Variants in SDC2 observed in about 807,000 individuals in gnomAD.
SDC2 encodes the protein syndecan 2.
Under a neutral mutation model 22.2 loss-of-function variants are expected in SDC2, and 13 were observed. That is an observed-to-expected ratio of 0.59 (90% CI 0.38 to 0.93). The LOEUF is 0.93. SDC2 is among the 40% of genes least tolerant of loss of function. SDC2 has a pLI of 0.00. For missense variants in SDC2, 235 were observed against 246.8 expected (o/e 0.95, Z 0.32); for synonymous variants, 94 against 92.8 (o/e 1.01, Z -0.07).
chr8:96,601,811 A>G (rs1021476689), intron 2 of SDC2, among the ~76,000 whole-genome samples: 1 of 151,636 alleles, frequency 6.6e-6, no homozygotes, highest in African/African-American at 2.4e-5. Flanking sequence ...CCAGGCTGGA[A>G]TGCAATGGTG....
chr8:96,589,618 C>T (rs1420536789), intron 1 of SDC2, among the ~76,000 whole-genome samples: 1 of 152,188 alleles, frequency 6.6e-6, no homozygotes, highest in Non-Finnish European at 1.5e-5. Context: ...ACCATGTTGG[C>T]CAGGCTGGTC....
At position 96,551,947 on chromosome 8, in the gene SDC2, A is replaced by G. The variant is rs149744992; in HGVS notation, c.61-41533A>G. 2.9e-3 allele frequency among the ~76,000 whole-genome samples: 443 copies of G among 152,290 alleles called. 4 individuals carry two copies. The highest frequency in any genetic ancestry group is 0.01 in the African/African-American group (424 of 41,566). ...GCCTGTTTACTGCTGGGGGCAGGGTATGTATCCCCATGAGTCAGGGGCTTG... is the reference window on the plus strand; with the variant it reads ...GCCTGTTTACTGCTGGGGGCAGGGTGTGTATCCCCATGAGTCAGGGGCTTG... On this transcript the variant is annotated intron_variant, in intron 1 of 4. Coordinates refer to ENST00000302190, the MANE Select transcript of SDC2 (RefSeq NM_002998.4).
intron 1 of SDC2, among the ~76,000 whole-genome samples, chr8:96,558,405 A>G (rs1814154933): frequency 6.8e-6 from 1 of 147,206 alleles, no homozygotes; most frequent in Admixed American, 6.7e-5. Context: ...GGTGGTCTTC[A>G]GTTACAGCCT....
intron 1 of SDC2, among the ~76,000 whole-genome samples, chr8:96,569,180 A>T (rs1206298235): frequency 6.6e-6 from 1 of 152,086 alleles, no homozygotes; most frequent in African/African-American, 2.4e-5. Flanking sequence ...GATAATTTTT[A>T]AAATGTTTTG....
intron 1 of SDC2, among the ~76,000 whole-genome samples, chr8:96,569,690 A>G (rs1814358731): frequency 6.6e-6 from 1 of 152,140 alleles, no homozygotes; most frequent in Non-Finnish European, 1.5e-5. Context: ...ATATTAACTC[A>G]TTTAATTTTT....
chr8:96,521,944 A>G (rs1813503858), intron 1 of SDC2, among the ~76,000 whole-genome samples: 1 of 152,216 alleles, frequency 6.6e-6, no homozygotes, highest in South Asian at 2.1e-4. Context: ...CTAAAATTCC[A>G]AGTACATTTG....
chr8:96,499,484 C>T (rs1355485602), intron 1 of SDC2, among the ~76,000 whole-genome samples: 6 of 152,200 alleles, frequency 3.9e-5, no homozygotes, highest in African/African-American at 1.2e-4. Flanking sequence ...TATGTTACTA[C>T]TAGAGTTTTC....
chr8:96,511,830 AC>A (rs1379051926), intron 1 of SDC2, among the ~76,000 whole-genome samples: 1 of 151,120 alleles, frequency 6.6e-6, no homozygotes, highest in Non-Finnish European at 1.5e-5. Context: ...GGCTTACGTA[AC>A]TCTCAGCTCA....
At chr8:96,495,679 C>G (rs1563636839) in intron 1 of SDC2, among the ~76,000 whole-genome samples, 2 of 152,180 alleles carry the variant, frequency 1.3e-5, no homozygotes, top group African/African-American at 4.8e-5. Context: ...CCCTCCCCCC[C>G]TTTTTTGTGC....
intron 1 of SDC2, chr8:96,586,639 G>A (rs1814692257): frequency 6.6e-6 from 1 of 152,188 alleles, no homozygotes; most frequent in Non-Finnish European, 1.5e-5. Flanking sequence ...CATGGAACTA[G>A]AGGAATTTCT....
At chr8:96,524,441 C>T (rs1813547141) in intron 1 of SDC2, among the ~76,000 whole-genome samples, 1 of 152,142 alleles carries the variant, frequency 6.6e-6, no homozygotes, top group Non-Finnish European at 1.5e-5. Flanking sequence ...ATCTCAAGCA[C>T]ACTGACAACT....
At chr8:96,512,521 T>C (rs983838569) in intron 1 of SDC2, among the ~76,000 whole-genome samples, 1 of 152,152 alleles carries the variant, frequency 6.6e-6, no homozygotes, top group Non-Finnish European at 1.5e-5. Flanking sequence ...GAGAACTGTT[T>C]AATAGCAGGC....
Position 96,609,608 on chromosome 8 carries a change from C to A in SDC2, c.*60C>A. ...TGAACTTTTCAAAATAAAGCTTTTG[C>A]ATAGAATAATGAAGATCTTTGTTTT... On this transcript the variant is annotated 3_prime_UTR_variant, in exon 5 of 5. Transcript: ENST00000302190. The A allele has an allele frequency of 8.1e-7, 1 of 1,227,798 alleles. No homozygotes were observed. The allele number at this position is 1,227,798 out of a possible 1,614,324, so 76.1% of individuals were successfully genotyped here.
At chr8:96,565,968 C>T (rs1369179769) in intron 1 of SDC2, among the ~76,000 whole-genome samples, 1 of 151,918 alleles carries the variant, frequency 6.6e-6, no homozygotes, top group African/African-American at 2.4e-5. Context: ...AGTCTTGCTT[C>T]TTTCCTGCCC....
At chr8:96,595,511 T>G (rs545083726) in intron 2 of SDC2, among the ~76,000 whole-genome samples, 10 of 152,204 alleles carry the variant, frequency 6.6e-5, no homozygotes, top group South Asian at 2.1e-4. Flanking sequence ...CACCTCTTTT[T>G]TTTTTTTAGC....
chr8:96,585,414 A>G (rs1814665514), intron 1 of SDC2, among the ~76,000 whole-genome samples: 1 of 152,184 alleles, frequency 6.6e-6, no homozygotes. Context: ...TTCGGATGAC[A>G]TGAGTTTGTA....
intron 1 of SDC2, among the ~76,000 whole-genome samples, chr8:96,497,127 T>C (rs1376537100): frequency 6.6e-6 from 1 of 151,994 alleles, no homozygotes; most frequent in Non-Finnish European, 1.5e-5. Flanking sequence ...TAGATGTCTG[T>C]AAATTAAAAG....
intron 1 of SDC2, among the ~76,000 whole-genome samples, chr8:96,519,687 C>T (rs962043295): frequency 1.3e-5 from 2 of 151,742 alleles, no homozygotes; most frequent in Admixed American, 6.6e-5. Flanking sequence ...GAGTCTAGCT[C>T]TGTCACCCAG....
In SDC2 at chr8:96,609,502, C is replaced by A; in HGVS notation, c.560C>A (p.Ser187Tyr). 6.2e-7 allele frequency: 1 copy of A among 1,610,746 alleles called. No individual in the cohort carries two copies. The highest frequency in any genetic ancestry group is 8.5e-7 in the Non-Finnish European group (1 of 1,178,350). Reference sequence around the variant, plus strand: ...TATGACCTTGGAGAACGCAAACCATCCAGTGCTGCTTATCAGAAGGCACCT... The same window carrying A: ...TATGACCTTGGAGAACGCAAACCATACAGTGCTGCTTATCAGAAGGCACCT... ...GSYDLGERKP[S>Y]SAAYQKAPTK... Residue 187 changes from serine (S) to tyrosine (Y), a missense_variant, in exon 5 of 5, where the codon TCC (serine) becomes TAC (tyrosine). Transcript: ENST00000302190.
Sources: allele counts gnomAD v4.1 joint callset (sites outside exome capture counted in the v4.1 genomes callset), GRCh38; gene constraint gnomAD v4.1.1; transcripts MANE v1.5; gene names NCBI Gene and HGNC (gene_info 2026-07-23, HGNC 2026-07-21).